The following NET1 variants were observed in gnomAD, a reference collection of about 807,000 sequenced individuals.
The protein encoded by NET1 is neuroepithelial cell-transforming gene 1 protein.
Under a neutral mutation model 61.1 loss-of-function variants are expected in NET1, and 42 were observed. The observed-to-expected ratio is 0.69, with a 90% CI of 0.54 to 0.89. NET1 has a LOEUF of 0.89. Ranked by LOEUF, NET1 falls within the 40% of genes least tolerant of loss-of-function variation. The pLI is 0.00. For missense variants in NET1, 654 were observed against 747.3 expected, an observed-to-expected ratio of 0.88 and a Z score of 1.46; for synonymous variants, 254 against 281.8, an observed-to-expected ratio of 0.90 and a Z score of 0.99.
chr10:5,459,013 C>T lies in NET1; in HGVS notation c.*2019C>T, dbSNP rs907640022. Among the ~76,000 whole-genome samples the T allele has an allele frequency of 6.6e-6, 1 of 152,016 alleles. No homozygotes were observed. Among genetic ancestry groups the T allele is most frequent in the African/African-American group, 2.4e-5 (1 of 41,398 alleles). ...GTTCCCTCAAAGGTAAAAATAAGAC[C>T]CAGAATCTGAGTAAATCTATTAAAT... is the stretch of plus-strand genomic sequence containing the variant. On this transcript the variant is annotated 3_prime_UTR_variant, in exon 12 of 12. Transcript: ENST00000355029.
chr10:5,452,688 C>A lies in NET1; in HGVS notation c.531+163C>A. The A allele has an allele frequency of 1.1e-6, 1 of 921,976 alleles. No individual in the cohort carries two copies. Among genetic ancestry groups the A allele is most frequent in the African/African-American group, 1.7e-5 (1 of 59,702 alleles). The allele number at this position is 921,976 out of a possible 1,614,324, so 57.1% of individuals were successfully genotyped here. A position where few individuals can be genotyped will look rare whatever the true frequency, so the allele number is the denominator to read the frequency against. ...AATTAAACAACTCTAATAGGGTAAA[C>A]TTACCAAACATACGGCAACCTTGTA... is the stretch of plus-strand genomic sequence containing the variant. On this transcript the variant is annotated intron_variant, in intron 5 of 11. Transcript: ENST00000355029. The surrounding 1 kb of genome is among the most constrained non-coding windows in gnomAD (Gnocchi z 4.0).
chr10:5,427,283 T>C lies in NET1; in HGVS notation c.195+562T>C, dbSNP rs1177503169. Among the ~76,000 whole-genome samples, 1 of 152,194 alleles carries C rather than the reference T, an allele frequency of 6.6e-6. No homozygotes were observed. The highest frequency in any genetic ancestry group is 2.4e-5 in the African/African-American group (1 of 41,460). ...AATACATATATAAAGTACGTACAAATAGATCATGATTCTTATGCTTATCTA... is the reference window on the plus strand; with the variant it reads ...AATACATATATAAAGTACGTACAAACAGATCATGATTCTTATGCTTATCTA... On this transcript the variant is annotated intron_variant, in intron 2 of 11. Transcript: ENST00000355029. This position sits in a 1 kb window ranked among gnomAD's most constrained non-coding sequence, Gnocchi z 4.1.
chr10:5,451,186 C>G lies in NET1; in HGVS notation c.256-644C>G, dbSNP rs1490058390. On this transcript the variant is annotated intron_variant, in intron 3 of 11. Transcript: ENST00000355029. This position sits in a 1 kb window ranked among gnomAD's most constrained non-coding sequence, Gnocchi z 6.1. ...AACTGATGCCAAGGGTGTGCCCTAG[C>G]AAGTGGTAGAGCCGGGATTTGTGCC... is the stretch of plus-strand genomic sequence containing the variant. Among the ~76,000 whole-genome samples the G allele has an allele frequency of 6.6e-6, 1 of 152,168 alleles. No individual in the cohort carries two copies. Among genetic ancestry groups the G allele is most frequent in the East Asian group, 1.9e-4 (1 of 5,196 alleles).
At position 5,453,599 on chromosome 10, in the gene NET1, C is replaced by T. The variant is rs1361829260; in HGVS notation, c.768+39C>T. The T allele has an allele frequency of 1.3e-6, 2 of 1,548,336 alleles. No homozygotes were observed. The highest frequency in any genetic ancestry group is 1.8e-6 in the Non-Finnish European group (2 of 1,120,188). ...TGTTGACCCCAGATACAGTTTCTTACAGATGTGCCATGTTGCAGTTTCTGA... is the reference window on the plus strand; with the variant it reads ...TGTTGACCCCAGATACAGTTTCTTATAGATGTGCCATGTTGCAGTTTCTGA... On this transcript the variant is annotated intron_variant, in intron 8 of 11. Coordinates refer to ENST00000355029, the MANE Select transcript of NET1 (RefSeq NM_001047160.3). This position sits in a 1 kb window ranked among gnomAD's most constrained non-coding sequence, Gnocchi z 4.9.
intron 3 of NET1, among the ~76,000 whole-genome samples, chr10:5,442,199 T>A (rs896938309): frequency 3.9e-5 from 6 of 152,230 alleles, no homozygotes; most frequent in Non-Finnish European, 8.8e-5. Context: ...GTTACAAATA[T>A]AATTACAAAG....
In NET1 at chr10:5,454,641, A is replaced by G. The variant is rs1466130113; in HGVS notation, c.1026+119A>G. 1 of 1,222,032 alleles carries G rather than the reference A, an allele frequency of 8.2e-7. No homozygotes were observed. Among genetic ancestry groups the G allele is most frequent in the East Asian group, 2.4e-5 (1 of 41,238 alleles). The allele number at this position is 1,222,032 out of a possible 1,614,324, so 75.7% of individuals were successfully genotyped here. On this transcript the variant is annotated intron_variant, in intron 9 of 11. Coordinates refer to ENST00000355029, the MANE Select transcript of NET1 (RefSeq NM_001047160.3). This position sits in a 1 kb window ranked among gnomAD's most constrained non-coding sequence, Gnocchi z 8.1. The stretch of plus-strand genomic sequence containing the variant: ...CATAGTGAATTGTTTTGTTGTTTTA[A>G]GTACCCAGTGCGTTAGTACGCTGTG...
intron 3 of NET1, among the ~76,000 whole-genome samples, chr10:5,432,573 T>A (rs539321752): frequency 4.0e-4 from 59 of 146,262 alleles, no homozygotes; most frequent in Middle Eastern, 3.6e-3. Flanking sequence ...TTAAAAAAAA[T>A]TTTATTGTTT....
At chr10:5,442,523 A>C (rs1832537550) in intron 3 of NET1, among the ~76,000 whole-genome samples, 1 of 152,214 alleles carries the variant, frequency 6.6e-6, no homozygotes, top group South Asian at 2.1e-4. Flanking sequence ...TACGTTTATA[A>C]ATTCTAGATG....
At position 5,441,073 on chromosome 10, in the gene NET1, C is replaced by T. The variant is rs989929005; in HGVS notation, c.256-10757C>T. ...GAGGCCCGTGCAGTGTCTAATTAAG[C>T]TGTCACTACTGTGGGCAGTGGGGTA... On this transcript the variant is annotated intron_variant, in intron 3 of 11. Transcript: ENST00000355029. This position sits in a 1 kb window ranked among gnomAD's most constrained non-coding sequence, Gnocchi z 4.6. Among the ~76,000 whole-genome samples the T allele has an allele frequency of 2.0e-5, 3 of 152,222 alleles. No individual in the cohort carries two copies. Among genetic ancestry groups the T allele is most frequent in the Non-Finnish European group, 4.4e-5 (3 of 68,024 alleles).
chr10:5,448,891 A>G (rs1832661758), intron 3 of NET1, among the ~76,000 whole-genome samples: 1 of 152,078 alleles, frequency 6.6e-6, no homozygotes, highest in Non-Finnish European at 1.5e-5. Context: ...GCCTATCTAA[A>G]TATTGTATTA....
At chr10:5,425,181 A>T (rs150302114) in intron 1 of NET1, among the ~76,000 whole-genome samples, 164 of 152,332 alleles carry the variant, frequency 1.1e-3, no homozygotes, top group African/African-American at 3.7e-3. Context: ...GTATTACTTA[A>T]GTATTAATTC....
rs546895060 is a variant in NET1, at chr10:5,447,976, A to G, written c.256-3854A>G. ...TATTTCTAAGTTACAAGCACTAGGA[A>G]TGTTGTCACGGTTTTAGATCTAGTG... On this transcript the variant is annotated intron_variant, in intron 3 of 11. Transcript: ENST00000355029. The surrounding 1 kb of genome is among the most constrained non-coding windows in gnomAD (Gnocchi z 4.1). Among the ~76,000 whole-genome samples, 4 of 152,254 alleles carry G rather than the reference A, an allele frequency of 2.6e-5. No individual in the cohort carries two copies. Among genetic ancestry groups the G allele is most frequent in the Non-Finnish European group, 4.4e-5 (3 of 68,050 alleles).
At position 5,431,814 on chromosome 10, in the gene NET1, G is replaced by A. The variant is rs1832354714; in HGVS notation, c.255+2585G>A. Among the ~76,000 whole-genome samples the A allele has an allele frequency of 6.6e-6, 1 of 152,000 alleles. No individual in the cohort carries two copies. Among genetic ancestry groups the A allele is most frequent in the Admixed American group, 6.6e-5 (1 of 15,254 alleles). On this transcript the variant is annotated intron_variant, in intron 3 of 11. Coordinates refer to ENST00000355029, the MANE Select transcript of NET1 (RefSeq NM_001047160.3). This position sits in a 1 kb window ranked among gnomAD's most constrained non-coding sequence, Gnocchi z 4.9. ...AGACAGGGTCTCACTATGTTGGCCA[G>A]GAAGGCCTCAAATTCCTAGTCTCAA...
At position 5,443,634 on chromosome 10, in the gene NET1, C is replaced by T. The variant is rs1302346351; in HGVS notation, c.256-8196C>T. 2.6e-5 allele frequency among the ~76,000 whole-genome samples: 4 copies of T among 152,140 alleles called. No homozygotes were observed. Among genetic ancestry groups the T allele is most frequent in the African/African-American group, 9.7e-5 (4 of 41,428 alleles). On this transcript the variant is annotated intron_variant, in intron 3 of 11. Transcript: ENST00000355029. The surrounding 1 kb of genome is among the most constrained non-coding windows in gnomAD (Gnocchi z 4.8). ...TTTTTAGATGCTGTCTACATTTAGA[C>T]CCCAAACCTGCACATTCAAAATGAA...
Position 5,443,241 on chromosome 10 carries a change from T to C in NET1, c.256-8589T>C, listed in dbSNP as rs1360764123. Among the ~76,000 whole-genome samples the C allele has an allele frequency of 6.6e-6, 1 of 152,234 alleles. No individual in the cohort carries two copies. The highest frequency in any genetic ancestry group is 1.9e-4 in the East Asian group (1 of 5,206). On this transcript the variant is annotated intron_variant, in intron 3 of 11. Coordinates refer to ENST00000355029, the MANE Select transcript of NET1 (RefSeq NM_001047160.3). The surrounding 1 kb of genome is among the most constrained non-coding windows in gnomAD (Gnocchi z 4.8). ...GTCATCAGGTCTGTTAAGCCACTGA[T>C]TAACAAGGTACCTTTGGACAAGTTT...
In NET1 at chr10:5,415,955, GA is replaced by G. The variant is rs565434408; in HGVS notation, c.128+3138del. ...GCCTGTGTTTTGGTGTCACATCCAA[GA>G]AATCACTGCTAAATCCATTGTTATG... is the stretch of plus-strand genomic sequence containing the variant. On this transcript the variant is annotated intron_variant, in intron 1 of 11. Coordinates refer to ENST00000355029, the MANE Select transcript of NET1 (RefSeq NM_001047160.3). The surrounding 1 kb of genome is among the most constrained non-coding windows in gnomAD (Gnocchi z 4.7). 5.4e-4 allele frequency among the ~76,000 whole-genome samples: 83 copies of G among 152,310 alleles called. No homozygotes were observed. The highest frequency in any genetic ancestry group is 1.9e-3 in the African/African-American group (80 of 41,580).
rs190516484 is a variant in NET1 at position 5,416,031 on chromosome 10, A to G, written c.128+3211A>G. Among the ~76,000 whole-genome samples the G allele has an allele frequency of 1.2e-4, 18 of 152,142 alleles. No individual in the cohort carries two copies. The highest frequency in any genetic ancestry group is 1.2e-3 in the Admixed American group (18 of 15,290). On this transcript the variant is annotated intron_variant, in intron 1 of 11. Transcript: ENST00000355029. The surrounding 1 kb of genome is among the most constrained non-coding windows in gnomAD (Gnocchi z 6.1). ...TGAGAATTTTATCATTTTAGCTTTT[A>G]TATTTGGGTCTTTAATCCATTTTGA...
Position 5,444,809 on chromosome 10 carries a change from A to G in NET1, c.256-7021A>G, listed in dbSNP as rs1184967039. Among the ~76,000 whole-genome samples, 4 of 152,172 alleles carry G rather than the reference A, an allele frequency of 2.6e-5. No homozygotes were observed. The highest frequency in any genetic ancestry group is 6.5e-5 in the Admixed American group (1 of 15,280). ...TTCAGGTTTTTGTCCAACATTTCCA[A>G]CTACCAGCAGAATATTTTCATTTGC... On this transcript the variant is annotated intron_variant, in intron 3 of 11. Transcript: ENST00000355029. The surrounding 1 kb of genome is among the most constrained non-coding windows in gnomAD (Gnocchi z 5.3).
rs1376301865 is a variant in NET1, at chr10:5,446,190, CT to C, written c.256-5638del. ...TTTTATAATTGTGAATATGCTTGCACTTCTGTAAAATAAAAGCAGGTTTCCT... is the reference window on the plus strand; with the variant it reads ...TTTTATAATTGTGAATATGCTTGCACTCTGTAAAATAAAAGCAGGTTTCCT... On this transcript the variant is annotated intron_variant, in intron 3 of 11. Transcript: ENST00000355029. The surrounding 1 kb of genome is among the most constrained non-coding windows in gnomAD (Gnocchi z 5.0). Among the ~76,000 whole-genome samples the C allele has an allele frequency of 1.3e-5, 2 of 152,168 alleles. No individual in the cohort carries two copies. The highest frequency in any genetic ancestry group is 3.9e-4 in the East Asian group (2 of 5,192).
Sources: gnomAD v4.1 joint callset for allele counts (sites outside exome capture counted in the v4.1 genomes callset) on GRCh38, gnomAD v4.1.1 for gene constraint, Gnocchi (gnomAD v3.1) non-coding constraint, MANE v1.5 for transcripts, NCBI Gene and HGNC (gene_info 2026-07-23, HGNC 2026-07-21) for gene names.